Variants in ADGRG2 observed in about 807,000 individuals in gnomAD.
The protein encoded by ADGRG2 is G protein-coupled receptor 64.
A neutral mutation model predicts 74.1 loss-of-function variants in ADGRG2; 26 were observed. The ratio of observed to expected loss-of-function variants is 0.35; its 90% CI spans 0.26 to 0.49. The LOEUF (loss-of-function observed/expected upper bound fraction) is 0.49. ADGRG2 is among the 20% of genes least tolerant of loss of function. ADGRG2 has a pLI of 0.99. For missense variants in ADGRG2, 619 were observed against 763.1 expected (o/e 0.81, Z 2.22); for synonymous variants, 296 against 295.2 (o/e 1.00, Z -0.03).
chrX:19,094,430 A>G (rs1260217360), intron 1 of ADGRG2, among the ~76,000 whole-genome samples: 2 of 110,740 alleles, frequency 1.8e-5, no homozygotes, highest in East Asian at 5.7e-4. Flanking sequence ...GACCAGGCAG[A>G]GCCCAGTGAG....
chrX:19,052,116 A>G (rs1161151064), intron 3 of ADGRG2, among the ~76,000 whole-genome samples: 2 of 111,867 alleles, frequency 1.8e-5, no homozygotes, highest in African/African-American at 6.5e-5. Flanking sequence ...GGAAACGATC[A>G]TCCTCATTTC....
intron 1 of ADGRG2, among the ~76,000 whole-genome samples, chrX:19,085,076 C>T (rs2061916298): frequency 9.0e-6 from 1 of 111,729 alleles, no homozygotes; most frequent in African/African-American, 3.3e-5. Context: ...CCCATAGATA[C>T]AAAAATATAC....
chrX:19,042,638 G>A (rs1452953203), intron 3 of ADGRG2, among the ~76,000 whole-genome samples: 1 of 111,298 alleles, frequency 9.0e-6, no homozygotes, highest in Non-Finnish European at 1.9e-5. Flanking sequence ...CACAAAACTG[G>A]TCCTCCATCC....
chrX:18,990,717 A>G lies in ADGRG2; in HGVS notation c.*147T>C, dbSNP rs1244638496. On this transcript the variant is annotated 3_prime_UTR_variant, in exon 29 of 29. Coordinates refer to ENST00000379869, the MANE Select transcript of ADGRG2 (RefSeq NM_001079858.3). ...AATGTCTTGGTTTCTTCTTGTAATA[A>G]TAATCATCGCCCTTAATTAGCTTAT... 3 of 390,966 alleles carry G rather than the reference A, an allele frequency of 7.7e-6. No homozygotes were observed. The highest frequency in any genetic ancestry group is 9.5e-5 in the Admixed American group (2 of 20,996). 32.2% of individuals were successfully genotyped at this position (390,966 alleles called of 1,213,427 possible). A position where few individuals can be genotyped will look rare whatever the true frequency, so the allele number is the denominator to read the frequency against.
At chrX:19,055,258 G>GTGTGTGTGTGTGTA (rs2061390819) in intron 3 of ADGRG2, among the ~76,000 whole-genome samples, 1 of 111,122 alleles carries the variant, frequency 9.0e-6, no homozygotes, top group African/African-American at 3.3e-5. Flanking sequence ...GTGTGTGTGT[G>GTGTGTGTGTGTGTA]TGTGTGTGTG....
chrX:19,082,332 G>A (rs2061865581), intron 2 of ADGRG2, among the ~76,000 whole-genome samples: 2 of 110,962 alleles, frequency 1.8e-5, no homozygotes, highest in African/African-American at 6.5e-5. Context: ...CAGGGAGCAG[G>A]AAAGGGGAAA....
chrX:19,031,225 C>T, intron 8 of ADGRG2, 188 bp from the exon 9 acceptor site: 1 of 427,396 alleles, frequency 2.3e-6, no homozygotes, highest in Non-Finnish European at 4.1e-6. Context: ...CATTTGTCAG[C>T]TACGGAACTT....
At chrX:19,075,741 A>C (rs2061738852) in intron 2 of ADGRG2, among the ~76,000 whole-genome samples, 1 of 111,496 alleles carries the variant, frequency 9.0e-6, no homozygotes, top group Non-Finnish European at 1.9e-5. Flanking sequence ...GTCTATCTGC[A>C]GTGTGCCAGA....
chrX:19,117,696 A>G (rs1313935329), intron 1 of ADGRG2, among the ~76,000 whole-genome samples: 1 of 110,868 alleles, frequency 9.0e-6, no homozygotes, highest in African/African-American at 3.3e-5. Flanking sequence ...GCGCCGCCAT[A>G]GTCCCAGCTA....
chrX:19,083,486 C>G lies in ADGRG2; in HGVS notation c.-46-740G>C, dbSNP rs756401990. On this transcript the variant is annotated intron_variant, in intron 1 of 28. Transcript: ENST00000379869. ...TTCATGTGTTTGTGACTTCACTTCC[C>G]TAGAACCTAAACTCCTTGATATCAA... is the stretch of plus-strand genomic sequence containing the variant. 3.6e-5 allele frequency among the ~76,000 whole-genome samples: 4 copies of G among 111,109 alleles called. No individual in the cohort carries two copies. In the South Asian group the frequency reaches 1.5e-3, roughly 43 times the overall value.
chrX:18,999,798 G>T, intron 25 of ADGRG2, 63 bp downstream of exon 25: 1 of 691,722 alleles, frequency 1.4e-6, no homozygotes, highest in Non-Finnish European at 2.4e-6. Flanking sequence ...TAGATCCTCC[G>T]TTTTCTAGGA....
intron 1 of ADGRG2, among the ~76,000 whole-genome samples, chrX:19,090,680 T>C (rs1179503171): frequency 1.1e-4 from 12 of 106,349 alleles, no homozygotes; most frequent in Non-Finnish European, 5.7e-5. Context: ...ATTCTCACTC[T>C]AACTTATTTT....
At chrX:18,991,086 C>T in intron 28 of ADGRG2, 38 bp from the exon 29 acceptor site, 1 of 844,688 alleles carries the variant, frequency 1.2e-6, no homozygotes, top group Non-Finnish European at 1.6e-6. Context: ...CATGAAGTAT[C>T]CACAGAAAGC....
rs769154613 is a variant in ADGRG2, at chrX:19,119,135, T to C, written c.-47+3307A>G. 2.6e-3 allele frequency among the ~76,000 whole-genome samples: 295 copies of C among 112,046 alleles called. 1 individual carries two copies. Among genetic ancestry groups the C allele is most frequent in the African/African-American group, 9.0e-3 (279 of 30,849 alleles). Reference sequence around the variant, plus strand: ...GGTGGTGGTTACATGACTATATACATTTGTCAAAACTTCTAGAACTGTACA... The same window carrying C: ...GGTGGTGGTTACATGACTATATACACTTGTCAAAACTTCTAGAACTGTACA... On this transcript the variant is annotated intron_variant, in intron 1 of 28. Coordinates refer to ENST00000379869, the MANE Select transcript of ADGRG2 (RefSeq NM_001079858.3).
intron 3 of ADGRG2, among the ~76,000 whole-genome samples, chrX:19,052,657 CA>C (rs2146829770): frequency 9.3e-6 from 1 of 107,583 alleles, no homozygotes; most frequent in South Asian, 3.9e-4. Context: ...TATATATATA[CA>C]TATGTATATA....
intron 1 of ADGRG2, among the ~76,000 whole-genome samples, chrX:19,098,650 G>A (rs1313776766): frequency 9.0e-6 from 1 of 111,358 alleles, no homozygotes; most frequent in Non-Finnish European, 1.9e-5. Context: ...AACACATAAA[G>A]CAGAGAAGTG....
At chrX:19,037,566 T>C (rs2060967722) in intron 5 of ADGRG2, 23 bp downstream of exon 5, 1 of 1,156,705 alleles carries the variant, frequency 8.6e-7, no homozygotes, top group Admixed American at 2.3e-5. Context: ...TAAATCTAGG[T>C]TTAAATTTTT....
chrX:19,005,866 T>C (rs2060220721), intron 22 of ADGRG2, 136 bp downstream of exon 22: 4 of 474,573 alleles, frequency 8.4e-6, no homozygotes, highest in South Asian at 6.6e-5. Context: ...AGCAATCTCA[T>C]TGGTGTATAA....
intron 3 of ADGRG2, among the ~76,000 whole-genome samples, chrX:19,052,820 G>A (rs1254023156): frequency 9.2e-6 from 1 of 109,145 alleles, no homozygotes; most frequent in East Asian, 2.9e-4. Flanking sequence ...CTCCCTAGTA[G>A]CTGGGATTAC....
Sources: allele counts gnomAD v4.1 joint callset (sites outside exome capture counted in the v4.1 genomes callset), GRCh38; gene constraint gnomAD v4.1.1; transcripts MANE v1.5; gene names NCBI Gene and HGNC (gene_info 2026-07-23, HGNC 2026-07-21).